The following CTNNA2 variants were observed in gnomAD, a reference collection of about 807,000 sequenced individuals.
CTNNA2 encodes the protein catenin alpha 2, also known as catenin alpha-2.
In CTNNA2, 42 loss-of-function variants were observed where a neutral mutation model predicts 101.0. That is an observed-to-expected ratio of 0.42 (90% CI 0.32 to 0.54). CTNNA2 has a LOEUF of 0.54. Ranked by LOEUF, CTNNA2 falls within the 20% of genes least tolerant of loss-of-function variation. The pLI, the probability that CTNNA2 is intolerant of heterozygous loss-of-function variation, is 0.14. For missense variants in CTNNA2, 871 were observed against 1,223.1 expected, an observed-to-expected ratio of 0.71 and a Z score of 4.29; for synonymous variants, 450 against 456.4, an observed-to-expected ratio of 0.99 and a Z score of 0.18.
At chr2:79,687,483 T>C in intron 2 of CTNNA2, 1 of 568,298 alleles carries the variant, frequency 1.8e-6, no homozygotes. Context: ...TTGATTAGCT[T>C]TCATTTTTAT....
intron 2 of CTNNA2, among the ~76,000 whole-genome samples, chr2:79,717,381 A>C (rs942551502): frequency 2.0e-5 from 3 of 152,140 alleles, no homozygotes; most frequent in Non-Finnish European, 4.4e-5. Flanking sequence ...GAAATAGCGA[A>C]AGGCATGACT....
chr2:79,643,972 C>T (rs1680625573), intron 1 of CTNNA2, among the ~76,000 whole-genome samples: 1 of 152,134 alleles, frequency 6.6e-6, no homozygotes, highest in African/African-American at 2.4e-5. Flanking sequence ...CGTCTTACAT[C>T]CTCTTCTGCT....
intron 7 of CTNNA2, among the ~76,000 whole-genome samples, chr2:79,980,513 AAATTTCTAATTGT>A (rs1319493871): frequency 6.6e-6 from 1 of 152,160 alleles, no homozygotes; most frequent in Non-Finnish European, 1.5e-5. Flanking sequence ...GTTATTACTG[AAATTTCTAATTGT>A]TTTTATTGAT....
At chr2:80,385,294 T>C (rs1200060628) in intron 7 of CTNNA2, among the ~76,000 whole-genome samples, 2 of 152,108 alleles carry the variant, frequency 1.3e-5, no homozygotes, top group African/African-American at 2.4e-5. Context: ...GATTATGTCA[T>C]GAGGGTGGAG....
At chr2:79,497,977 T>C (rs1191782425) in intron 4 of CTNNA2, 1 of 152,198 alleles carries the variant, frequency 6.6e-6, no homozygotes, top group Non-Finnish European at 1.5e-5. Context: ...TTTGTTGTTT[T>C]TTAGTTTCCT....
chr2:80,229,983 T>C lies in CTNNA2; in HGVS notation c.1057-163228T>C, dbSNP rs563454088. On this transcript the variant is annotated intron_variant, in intron 7 of 18. Coordinates refer to ENST00000402739, the MANE Select transcript of CTNNA2 (RefSeq NM_001282597.3). ...CAATACCCTATTTTTACTGTATCTT[T>C]TTATTTTTAGATATAAAAGTACTAC... Among the ~76,000 whole-genome samples the C allele has an allele frequency of 7.2e-4, 110 of 152,280 alleles. 1 individual carries two copies. The highest frequency in any genetic ancestry group is 2.6e-3 in the African/African-American group (109 of 41,568).
chr2:79,535,283 C>T (rs985658605), intron 1 of CTNNA2, among the ~76,000 whole-genome samples: 8 of 152,034 alleles, frequency 5.3e-5, no homozygotes, highest in Non-Finnish European at 8.8e-5. Flanking sequence ...TGGCTCACTG[C>T]AACCTCTGCC....
chr2:80,138,147 G>C (rs1275252302), intron 7 of CTNNA2, among the ~76,000 whole-genome samples: 8 of 152,126 alleles, frequency 5.3e-5, no homozygotes, highest in Admixed American at 2.0e-4. Context: ...GCAGAAGAGG[G>C]AATAAACAAT....
chr2:79,497,161 A>G (rs531782735), intron 4 of CTNNA2, among the ~76,000 whole-genome samples: 5 of 152,328 alleles, frequency 3.3e-5, no homozygotes, highest in Admixed American at 3.3e-4. Flanking sequence ...ACAGTCCCAC[A>G]TGGCAGGGGC....
intron 3 of CTNNA2, among the ~76,000 whole-genome samples, chr2:79,833,285 C>T (rs534298629): frequency 2.6e-5 from 4 of 152,266 alleles, no homozygotes; most frequent in Non-Finnish European, 4.4e-5. Context: ...AGCAGTAAAA[C>T]TTTGTCTTTC....
intron 1 of CTNNA2, among the ~76,000 whole-genome samples, chr2:79,604,355 A>G (rs1401849530): frequency 2.0e-5 from 3 of 152,192 alleles, no homozygotes; most frequent in African/African-American, 4.8e-5. Flanking sequence ...CTAGGCTTCA[A>G]TGTACAGTGA....
chr2:80,512,337 C>A (rs549841039), intron 9 of CTNNA2, among the ~76,000 whole-genome samples: 2 of 151,980 alleles, frequency 1.3e-5, no homozygotes, highest in Non-Finnish European at 2.9e-5. Flanking sequence ...GGGCATGGAA[C>A]CTTATGTGCT....
At chr2:80,350,081 TTAAATA>T (rs1673142857) in intron 7 of CTNNA2, among the ~76,000 whole-genome samples, 1 of 152,172 alleles carries the variant, frequency 6.6e-6, no homozygotes, top group African/African-American at 2.4e-5. Flanking sequence ...GAAGCATCAT[TTAAATA>T]TAAATATAAC....
At chr2:80,227,512 T>G (rs890609723) in intron 7 of CTNNA2, among the ~76,000 whole-genome samples, 5 of 152,212 alleles carry the variant, frequency 3.3e-5, no homozygotes, top group African/African-American at 1.2e-4. Flanking sequence ...AGCCATCTAT[T>G]TGATAATTAT....
intron 2 of CTNNA2, among the ~76,000 whole-genome samples, chr2:79,238,609 TATTA>T (rs970239458): frequency 5.3e-5 from 8 of 152,208 alleles, no homozygotes; most frequent in African/African-American, 1.9e-4. Context: ...GATATGCCTG[TATTA>T]ATTTTTCCAG....
intron 2 of CTNNA2, among the ~76,000 whole-genome samples, chr2:79,720,666 G>T (rs1172475567): frequency 1.3e-5 from 2 of 152,012 alleles, no homozygotes. Flanking sequence ...ATAGCAGTGT[G>T]TTCTTGATTT....
chr2:80,463,133 A>G (rs1415797242), intron 9 of CTNNA2, among the ~76,000 whole-genome samples: 1 of 152,114 alleles, frequency 6.6e-6, no homozygotes, highest in Non-Finnish European at 1.5e-5. Flanking sequence ...AAATCTTTTC[A>G]TACTGTGGCT....
At chr2:80,361,346 C>T (rs961765470) in intron 7 of CTNNA2, among the ~76,000 whole-genome samples, 9 of 152,078 alleles carry the variant, frequency 5.9e-5, no homozygotes, top group African/African-American at 2.2e-4. Context: ...TTGGGCCACA[C>T]CATTATATTA....
At chr2:80,227,113 C>T (rs1708930874) in intron 7 of CTNNA2, among the ~76,000 whole-genome samples, 1 of 152,178 alleles carries the variant, frequency 6.6e-6, no homozygotes, top group Admixed American at 6.5e-5. Context: ...ATACACAGAT[C>T]ATCCATTTCA....
Sources: gnomAD v4.1 joint callset for allele counts (sites outside exome capture counted in the v4.1 genomes callset) on GRCh38, gnomAD v4.1.1 for gene constraint, MANE v1.5 for transcripts, NCBI Gene and HGNC (gene_info 2026-07-23, HGNC 2026-07-21) for gene names.